Variants in FRMD4A observed in about 807,000 individuals in gnomAD.
FRMD4A encodes FERM domain-containing protein 4A.
In FRMD4A, 29 loss-of-function variants were observed where a neutral mutation model predicts 129.1. The ratio of observed to expected loss-of-function variants is 0.22; its 90% confidence interval spans 0.17 to 0.31. The LOEUF (loss-of-function observed/expected upper bound fraction) is 0.31. Among genes scored for constraint, FRMD4A ranks in the 10% least tolerant of loss-of-function variants. The pLI, the probability that FRMD4A is intolerant of heterozygous loss-of-function variation, is 1.00. For synonymous variants in FRMD4A, 634 were observed against 571.6 expected (o/e 1.11, Z -1.56); for missense variants, 1,272 against 1,375.8 (o/e 0.92, Z 1.19).
chr10:13,926,860 A>G (rs1352862026), intron 2 of FRMD4A, among the ~76,000 whole-genome samples: 1 of 152,226 alleles, frequency 6.6e-6, no homozygotes, highest in Non-Finnish European at 1.5e-5. Flanking sequence ...TGGAATTTCT[A>G]TCTTTATTCC....
At position 13,707,427 on chromosome 10, in the gene FRMD4A, G is replaced by C. The variant is rs541653234; in HGVS notation, c.760-314C>G. 153 of 1,067,162 alleles carry C rather than the reference G, an allele frequency of 1.4e-4. 1 individual carries two copies. The South Asian group carries it at 5.1e-3, about 36-fold the overall frequency. 66.1% of individuals were successfully genotyped at this position (1,067,162 alleles called of 1,614,324 possible). On this transcript the variant is annotated intron_variant, in intron 12 of 24. Transcript: ENST00000357447. ...GGTCGTGGCAGTCCCCAGCTTGGCAGACTTTTCCCTTCCAGGAGAGGGAGG... is the reference window on the plus strand; with the variant it reads ...GGTCGTGGCAGTCCCCAGCTTGGCACACTTTTCCCTTCCAGGAGAGGGAGG...
chr10:13,807,423 T>C (rs988817881), intron 4 of FRMD4A, among the ~76,000 whole-genome samples: 3 of 152,228 alleles, frequency 2.0e-5, no homozygotes, highest in Non-Finnish European at 4.4e-5. Context: ...GATGTTGACA[T>C]TTGTTGAAGT....
At chr10:13,725,552 T>G (rs532597150) in intron 12 of FRMD4A, among the ~76,000 whole-genome samples, 1 of 152,232 alleles carries the variant, frequency 6.6e-6, no homozygotes, top group Non-Finnish European at 1.5e-5. Flanking sequence ...TTTTTTTCTG[T>G]TCATAGACAG....
chr10:13,820,814 G>A lies in FRMD4A; in HGVS notation c.112-9906C>T, dbSNP rs139150829. ...GCCCATCCACTCTGCCCGGGACCCC[G>A]GGACCTGCTGGATGGGTGGCTCCCT... On this transcript the variant is annotated intron_variant, in intron 3 of 24. Transcript: ENST00000357447. Among the ~76,000 whole-genome samples the A allele has an allele frequency of 3.3e-5, 5 of 152,330 alleles. No individual in the cohort carries two copies. The East Asian group carries it at 9.7e-4, about 29-fold the overall frequency.
At chr10:14,246,825 C>A (rs772238030) in intron 2 of FRMD4A, among the ~76,000 whole-genome samples, 1 of 152,016 alleles carries the variant, frequency 6.6e-6, no homozygotes, top group Non-Finnish European at 1.5e-5. Context: ...AGACTAAACA[C>A]AGGAGAAGAA....
At chr10:13,716,280 T>C (rs1357711483) in intron 12 of FRMD4A, among the ~76,000 whole-genome samples, 1 of 152,174 alleles carries the variant, frequency 6.6e-6, no homozygotes, top group East Asian at 1.9e-4. Context: ...TGTTATGACT[T>C]CTAATCTCAA....
chr10:13,752,120 A>C (rs897241808), intron 8 of FRMD4A, among the ~76,000 whole-genome samples: 1 of 152,262 alleles, frequency 6.6e-6, no homozygotes, highest in African/African-American at 2.4e-5. Context: ...CTTTAATATG[A>C]ATCAGTTTTT....
chr10:14,296,186 C>T (rs544924859), intron 2 of FRMD4A, among the ~76,000 whole-genome samples: 2 of 152,242 alleles, frequency 1.3e-5, no homozygotes, highest in East Asian at 1.9e-4. Context: ...AGCCCTTTAT[C>T]GGGTGAGAAT....
chr10:13,687,287 C>G (rs1224060979), intron 15 of FRMD4A, among the ~76,000 whole-genome samples: 1 of 152,156 alleles, frequency 6.6e-6, no homozygotes, highest in African/African-American at 2.4e-5. Flanking sequence ...CAGAGCAAGA[C>G]TCCATCTCAA....
At chr10:13,682,500 T>G (rs2084695687) in intron 15 of FRMD4A, among the ~76,000 whole-genome samples, 1 of 139,064 alleles carries the variant, frequency 7.2e-6, no homozygotes, top group South Asian at 2.4e-4. Flanking sequence ...TTTCTTTCTT[T>G]TTTTTTTTTT....
At chr10:13,988,255 T>G (rs2095589380) in intron 2 of FRMD4A, among the ~76,000 whole-genome samples, 1 of 152,246 alleles carries the variant, frequency 6.6e-6, no homozygotes, top group Admixed American at 6.5e-5. Context: ...GGCCCAGGAC[T>G]GCTCAGGTCT....
intron 2 of FRMD4A, among the ~76,000 whole-genome samples, chr10:14,100,616 GC>G (rs1373118012): frequency 6.6e-6 from 1 of 152,028 alleles, no homozygotes; most frequent in Non-Finnish European, 1.5e-5. Context: ...CTTAGGATAA[GC>G]TGCACAGTGA....
chr10:14,027,202 C>T (rs1282204073), intron 2 of FRMD4A, among the ~76,000 whole-genome samples: 1 of 152,246 alleles, frequency 6.6e-6, no homozygotes, highest in Non-Finnish European at 1.5e-5. Flanking sequence ...CATCAACCCT[C>T]TTCCTGGGAT....
At chr10:13,998,091 C>G (rs572788585) in intron 2 of FRMD4A, among the ~76,000 whole-genome samples, 1 of 152,304 alleles carries the variant, frequency 6.6e-6, no homozygotes, top group East Asian at 1.9e-4. Flanking sequence ...GCTGGTTCCA[C>G]CACATGGAGC....
intron 2 of FRMD4A, among the ~76,000 whole-genome samples, chr10:14,128,622 T>C (rs1839059480): frequency 6.6e-6 from 1 of 152,174 alleles, no homozygotes; most frequent in Non-Finnish European, 1.5e-5. Flanking sequence ...AAATCTAAGA[T>C]CTAAGATTTT....
intron 2 of FRMD4A, among the ~76,000 whole-genome samples, chr10:14,319,054 T>C (rs1013958415): frequency 3.2e-4 from 48 of 152,328 alleles, no homozygotes; most frequent in African/African-American, 1.2e-3. Context: ...GGGGAGACTC[T>C]AACGTTATGG....
intron 12 of FRMD4A, among the ~76,000 whole-genome samples, chr10:13,735,682 G>C (rs552179252): frequency 6.6e-6 from 1 of 152,220 alleles, no homozygotes; most frequent in Non-Finnish European, 1.5e-5. Flanking sequence ...AGGGAGAAGA[G>C]ATTTCAACTG....
rs1031840344 is a variant in FRMD4A, at chr10:13,996,672, C to T, written c.46-137760G>A. ...AAGCCTTCTCTGGATAGGATCTACA[C>T]GGAAGACTTCCTTCCTAGTGTTGGC... is the stretch of plus-strand genomic sequence containing the variant. On this transcript the variant is annotated intron_variant, in intron 2 of 24. Transcript: ENST00000357447. Among the ~76,000 whole-genome samples, 16 of 152,320 alleles carry T rather than the reference C, an allele frequency of 1.1e-4. No individual in the cohort carries two copies. In the South Asian group the frequency reaches 1.5e-3, roughly 14 times the overall value.
At chr10:14,325,812 G>T (rs1843250238) in intron 2 of FRMD4A, among the ~76,000 whole-genome samples, 1 of 152,164 alleles carries the variant, frequency 6.6e-6, no homozygotes, top group African/African-American at 2.4e-5. Context: ...ATAAAGAAAT[G>T]AAATGAGGGA....
Sources: gnomAD v4.1 joint callset for allele counts (sites outside exome capture counted in the v4.1 genomes callset) on GRCh38, gnomAD v4.1.1 for gene constraint, MANE v1.5 for transcripts, NCBI Gene and HGNC (gene_info 2026-07-23, HGNC 2026-07-21) for gene names.